DTNB: variants seen among roughly 807,000 people sequenced by gnomAD.
The protein encoded by DTNB is DTN-B.
In DTNB, 63 loss-of-function variants were observed where a neutral mutation model predicts 90.7. The ratio of observed to expected loss-of-function variants is 0.69; its 90% confidence interval spans 0.57 to 0.86. The LOEUF (loss-of-function observed/expected upper bound fraction) is 0.86. Among genes scored for constraint, DTNB ranks in the 40% least tolerant of loss-of-function variants. The pLI, the probability that DTNB is intolerant of heterozygous loss-of-function variation, is 0.00. For missense variants in DTNB, 744 were observed against 807.1 expected (o/e 0.92, Z 0.95); for synonymous variants, 277 against 286.7 (o/e 0.97, Z 0.34).
chr2:25,555,809 A>G lies in DTNB; in HGVS notation c.876+21029T>C, dbSNP rs180674010. On this transcript the variant is annotated intron_variant, in intron 8 of 20. Transcript: ENST00000406818. ...GGCAGGTGGATCACCTGAGATCAGG[A>G]ATTCAAGACCAGCCTGGCCAACATG... is the stretch of plus-strand genomic sequence containing the variant. Among the ~76,000 whole-genome samples, 13 of 152,264 alleles carry G rather than the reference A, an allele frequency of 8.5e-5. No homozygotes were observed. The East Asian group carries it at 1.2e-3, about 14-fold the overall frequency.
chr2:25,467,868 T>G (rs1315634288), intron 10 of DTNB, among the ~76,000 whole-genome samples: 1 of 152,140 alleles, frequency 6.6e-6, no homozygotes, highest in African/African-American at 2.4e-5. Flanking sequence ...TCTGCCATGG[T>G]AGGGGAAGCA....
Position 25,648,156 on chromosome 2 carries a change from A to G in DTNB, c.67+4438T>C, listed in dbSNP as rs561055999. 1.9e-3 allele frequency among the ~76,000 whole-genome samples: 283 copies of G among 152,294 alleles called. 1 individual carries two copies. The highest frequency in any genetic ancestry group is 6.3e-3 in the African/African-American group (261 of 41,572). On this transcript the variant is annotated intron_variant, in intron 2 of 20. Transcript: ENST00000406818. ...TTTCATTTTGGCACCAGAGTTGAGG[A>G]TTACTCTTCTCACCTGTCACCTTTC...
At chr2:25,472,952 A>T (rs2063081843) in intron 10 of DTNB, among the ~76,000 whole-genome samples, 1 of 152,242 alleles carries the variant, frequency 6.6e-6, no homozygotes, top group Non-Finnish European at 1.5e-5. Flanking sequence ...CGACAGACAC[A>T]TGTGGCTAGT....
intron 8 of DTNB, chr2:25,558,335 T>C: frequency 2.0e-6 from 2 of 985,388 alleles, no homozygotes. Context: ...CACTACTGGG[T>C]CACAGAGAAC....
chr2:25,635,473 G>C (rs995785887), intron 3 of DTNB, among the ~76,000 whole-genome samples: 1 of 152,038 alleles, frequency 6.6e-6, no homozygotes, highest in Non-Finnish European at 1.5e-5. Flanking sequence ...TCCAATGAAG[G>C]ATGTGCAACA....
intron 8 of DTNB, among the ~76,000 whole-genome samples, chr2:25,575,467 T>C (rs2060521370): frequency 6.6e-6 from 1 of 151,998 alleles, no homozygotes; most frequent in African/African-American, 2.4e-5. Flanking sequence ...AGACCCAGGA[T>C]AGGATATTCA....
At chr2:25,658,846 A>T (rs552690476) in intron 1 of DTNB, among the ~76,000 whole-genome samples, 1 of 152,370 alleles carries the variant, frequency 6.6e-6, no homozygotes, top group Non-Finnish European at 1.5e-5. Flanking sequence ...AATGGTGGAA[A>T]CATGACACTA....
At chr2:25,400,900 G>A (rs2043555157) in intron 16 of DTNB, among the ~76,000 whole-genome samples, 1 of 152,134 alleles carries the variant, frequency 6.6e-6, no homozygotes, top group Non-Finnish European at 1.5e-5. Flanking sequence ...AATCTGATAA[G>A]CTCTCTAGAC....
At chr2:25,607,471 TTC>T in intron 4 of DTNB, 150 bp from the exon 5 acceptor site, 6 of 741,538 alleles carry the variant, frequency 8.1e-6, no homozygotes, top group South Asian at 5.3e-5. Flanking sequence ...TTTTTTTTTT[TTC>T]ATTTGTAGAA....
chr2:25,558,198 T>C, intron 8 of DTNB: 3 of 984,900 alleles, frequency 3.0e-6, no homozygotes, highest in Non-Finnish European at 3.6e-6. Context: ...ATAACACACA[T>C]GGATTAAATT....
chr2:25,547,250 A>G (rs949104637), intron 8 of DTNB, among the ~76,000 whole-genome samples: 4 of 151,844 alleles, frequency 2.6e-5, no homozygotes, highest in African/African-American at 7.3e-5. Flanking sequence ...TTTAATGTAG[A>G]AATTTTATAC....
intron 1 of DTNB, among the ~76,000 whole-genome samples, chr2:25,665,959 T>C (rs2084343444): frequency 6.6e-6 from 1 of 152,140 alleles, no homozygotes; most frequent in East Asian, 1.9e-4. Context: ...TAAATCAATA[T>C]CATGTAAAGC....
At position 25,562,582 on chromosome 2, in the gene DTNB, T is replaced by C. The variant is rs534130292; in HGVS notation, c.876+14256A>G. 3.3e-5 allele frequency among the ~76,000 whole-genome samples: 5 copies of C among 152,344 alleles called. No individual in the cohort carries two copies. In the East Asian group the frequency reaches 9.6e-4, roughly 29 times the overall value. On this transcript the variant is annotated intron_variant, in intron 8 of 20. Coordinates refer to ENST00000406818, the MANE Select transcript of DTNB (RefSeq NM_021907.5). ...GGGTTCTGATTTTTCTACATCCTTGTCAACACTGTTATGGTCAGTCTTTTT... is the reference window on the plus strand; with the variant it reads ...GGGTTCTGATTTTTCTACATCCTTGCCAACACTGTTATGGTCAGTCTTTTT...
chr2:25,595,227 G>A (rs1295038531), intron 6 of DTNB: 1 of 152,040 alleles, frequency 6.6e-6, no homozygotes, highest in African/African-American at 2.4e-5. Flanking sequence ...TCCCTTTAGT[G>A]GTGATAGGGA....
chr2:25,451,726 T>C (rs1456449681), intron 11 of DTNB, 91 bp from the exon 12 acceptor site: 1 of 1,260,186 alleles, frequency 7.9e-7, no homozygotes. Flanking sequence ...GAAAAGCTCA[T>C]AAAAGAATGG....
chr2:25,637,877 A>G (rs1261561083), intron 3 of DTNB, among the ~76,000 whole-genome samples: 3 of 152,232 alleles, frequency 2.0e-5, no homozygotes, highest in Non-Finnish European at 4.4e-5. Flanking sequence ...CCAAAGGATT[A>G]TAAATCAGGC....
intron 16 of DTNB, among the ~76,000 whole-genome samples, chr2:25,403,048 C>T (rs2044150245): frequency 6.6e-6 from 1 of 152,074 alleles, no homozygotes; most frequent in Admixed American, 6.5e-5. Flanking sequence ...TCATAAATTC[C>T]AAGACTAGAA....
chr2:25,414,780 C>G (rs1183096589), intron 16 of DTNB, among the ~76,000 whole-genome samples: 1 of 152,108 alleles, frequency 6.6e-6, no homozygotes, highest in African/African-American at 2.4e-5. Context: ...GCAGGCTGGG[C>G]TACAGGCGGG....
At position 25,668,188 on chromosome 2, in the gene DTNB, G is replaced by A. The variant is rs184522895; in HGVS notation, c.-2+5198C>T. On this transcript the variant is annotated intron_variant, in intron 1 of 20. Coordinates refer to ENST00000406818, the MANE Select transcript of DTNB (RefSeq NM_021907.5). ...CGGGAGGCAGAGCTCGCAGTGAGCCGAGATCGCGCCACTGCACTCCAGCCT... is the reference window on the plus strand; with the variant it reads ...CGGGAGGCAGAGCTCGCAGTGAGCCAAGATCGCGCCACTGCACTCCAGCCT... Among the ~76,000 whole-genome samples, 413 of 152,232 alleles carry A rather than the reference G, an allele frequency of 2.7e-3. 3 individuals carry two copies. The highest frequency in any genetic ancestry group is 0.02 in the Admixed American group (306 of 15,294).
Sources: allele counts gnomAD v4.1 joint callset (sites outside exome capture counted in the v4.1 genomes callset), GRCh38; gene constraint gnomAD v4.1.1; transcripts MANE v1.5; gene names NCBI Gene and HGNC (gene_info 2026-07-23, HGNC 2026-07-21).